Variants in DDHD2 observed in about 807,000 individuals in gnomAD.
The protein encoded by DDHD2 is DDHD domain containing 2, also known as triacylglycerol hydrolase DDHD2.
A neutral mutation model predicts 91.2 loss-of-function variants in DDHD2; 62 were observed. That is an observed-to-expected ratio of 0.68 (90% CI 0.55 to 0.84). The LOEUF is 0.84. Among genes scored for constraint, DDHD2 ranks in the 40% least tolerant of loss-of-function variants. The pLI, the probability that DDHD2 is intolerant of heterozygous loss-of-function variation, is 0.00. For missense variants in DDHD2, 740 were observed against 846.9 expected (o/e 0.87, Z 1.57); for synonymous variants, 271 against 293.9 (o/e 0.92, Z 0.80).
At chr8:38,268,494 CA>C (rs548817461) in intron 1 of DDHD2, 18 of 1,544,906 alleles carry the variant, frequency 1.2e-5, no homozygotes, top group East Asian at 2.4e-5. Flanking sequence ...AAAAACAATC[CA>C]AAAAAAAGCC....
chr8:38,254,456 C>T (rs1259497505), intron 16 of DDHD2, among the ~76,000 whole-genome samples: 1 of 151,980 alleles, frequency 6.6e-6, no homozygotes, highest in African/African-American at 2.4e-5. Flanking sequence ...TCATGGTTCA[C>T]TGCAGCCTTG....
At chr8:38,239,469 G>A (rs1563301113) in intron 5 of DDHD2, among the ~76,000 whole-genome samples, 2 of 151,148 alleles carry the variant, frequency 1.3e-5, no homozygotes, top group Admixed American at 6.6e-5. Context: ...TGAGGCGGGC[G>A]GGTCAGGAGG....
intron 12 of DDHD2, 23 bp from the exon 13 acceptor site, chr8:38,252,109 T>G (rs751089073): frequency 4.3e-6 from 7 of 1,612,582 alleles, no homozygotes; most frequent in Admixed American, 1.7e-5. Flanking sequence ...TAATGAGAGA[T>G]GCTTTTATTT....
At chr8:38,268,133 A>G (rs1807979595) in intron 1 of DDHD2, 15 of 1,413,630 alleles carry the variant, frequency 1.1e-5, no homozygotes, top group Non-Finnish European at 1.4e-5. Flanking sequence ...GAACTTTTGT[A>G]CTAGGCCAAA....
intron 10 of DDHD2, 34 bp downstream of exon 10, chr8:38,247,869 C>A: frequency 6.6e-7 from 1 of 1,511,154 alleles, no homozygotes; most frequent in South Asian, 1.3e-5. Context: ...TATGCCAAGC[C>A]ATTTTCAGTA....
chr8:38,237,665 A>G (rs1250336764), intron 4 of DDHD2, 38 bp downstream of exon 4: 2 of 1,188,656 alleles, frequency 1.7e-6, no homozygotes, highest in Non-Finnish European at 2.4e-6. Flanking sequence ...ATAAAAAGTT[A>G]ATTGCGCTAT....
chr8:38,248,203 G>A (rs1327504639), intron 10 of DDHD2, among the ~76,000 whole-genome samples: 4 of 151,992 alleles, frequency 2.6e-5, no homozygotes, highest in Admixed American at 2.6e-4. Context: ...CCGCCACCAC[G>A]CCTGGCTAAT....
chr8:38,232,351 T>C (rs975516865), intron 1 of DDHD2, among the ~76,000 whole-genome samples: 3 of 152,256 alleles, frequency 2.0e-5, no homozygotes, highest in African/African-American at 7.2e-5. Flanking sequence ...GGGAGGAGGC[T>C]TTTGAGGTCG....
intron 3 of DDHD2, among the ~76,000 whole-genome samples, chr8:38,237,032 G>C (rs1301042671): frequency 6.6e-6 from 1 of 152,114 alleles, no homozygotes; most frequent in Non-Finnish European, 1.5e-5. Context: ...GGAATTAGGA[G>C]TATTTTTCCC....
At chr8:38,259,304 T>C (rs531813896) in intron 16 of DDHD2, among the ~76,000 whole-genome samples, 4 of 151,772 alleles carry the variant, frequency 2.6e-5, no homozygotes, top group African/African-American at 9.7e-5. Context: ...CACTGCAACC[T>C]TTGCCTCCTC....
chr8:38,252,236 T>A lies in DDHD2; in HGVS notation c.1566T>A (p.Asp522Glu). ...FLTVRGLKRIDPNYRFPTCKG... is the reference protein window; with the variant it reads ...FLTVRGLKRIEPNYRFPTCKG... ...CTGTCCGAGGACTAAAAAGAATTGA[T>A]CCCAACTACAGATTTCCAACGTGCA... The change falls in exon 13 of 18, where the codon GAT (aspartate) becomes GAA (glutamate). Residue 522 changes from aspartate to glutamate, a missense_variant. By Grantham distance (45) the Asp-to-Glu change is conservative. This residue lies in a region of DDHD2 where 693 missense variants were observed against 764.2 expected (regional missense o/e 0.91). Coordinates refer to ENST00000397166, the MANE Select transcript of DDHD2 (RefSeq NM_015214.3). 6.2e-7 allele frequency: 1 copy of A among 1,614,142 alleles called. No homozygotes were observed. The highest frequency in any genetic ancestry group is 8.5e-7 in the Non-Finnish European group (1 of 1,180,022).
chr8:38,232,900 C>T (rs1585687146), intron 1 of DDHD2, 87 bp from the exon 2 acceptor site: 2 of 812,702 alleles, frequency 2.5e-6, no homozygotes, highest in Non-Finnish European at 1.9e-6. Flanking sequence ...AGAAATGGCT[C>T]CGTAAAATGA....
At chr8:38,255,062 G>T (rs550928841) in intron 16 of DDHD2, among the ~76,000 whole-genome samples, 7 of 152,014 alleles carry the variant, frequency 4.6e-5, no homozygotes, top group African/African-American at 2.4e-5. Flanking sequence ...AGGTGTGGTG[G>T]TGCATGCCTG....
chr8:38,247,156 A>C lies in DDHD2; in HGVS notation c.1126-557A>C, dbSNP rs568387759. The C allele has an allele frequency of 2.9e-4, 39 of 135,424 alleles. 1 individual carries two copies. The highest frequency in any genetic ancestry group is 2.8e-3 in the Admixed American group (35 of 12,686). 8.4% of individuals were successfully genotyped at this position (135,424 alleles called of 1,614,324 possible). ...TTCTTTTTTTTTTTTTTTTTGAGAC[A>C]GTCTCTTGCTCTGTCACCCAGGCTG... On this transcript the variant is annotated intron_variant, in intron 9 of 17. Coordinates refer to ENST00000397166, the MANE Select transcript of DDHD2 (RefSeq NM_015214.3).
At chr8:38,247,690 G>T in intron 9 of DDHD2, 23 bp from the exon 10 acceptor site, 1 of 1,430,002 alleles carries the variant, frequency 7.0e-7, no homozygotes, top group South Asian at 1.4e-5. Flanking sequence ...TCAAGAATAT[G>T]AGCTTTATAA....
intron 10 of DDHD2, 42 bp downstream of exon 10, chr8:38,247,877 G>A: frequency 6.7e-7 from 1 of 1,491,028 alleles, no homozygotes; most frequent in Non-Finnish European, 9.0e-7. Context: ...GCCATTTTCA[G>A]TATTTTTGTT....
At chr8:38,266,059 A>T, downstream of DDHD2, 1 of 1,288,406 alleles carries the variant, frequency 7.8e-7, no homozygotes, top group Non-Finnish European at 1.1e-6. Flanking sequence ...GCAGATATTT[A>T]GTAAGCATCT....
chr8:38,271,993 G>C (rs887462534), downstream of DDHD2: 1 of 152,196 alleles, frequency 6.6e-6, no homozygotes, highest in Non-Finnish European at 1.5e-5. Context: ...CAGTAGGTCT[G>C]GGTTTGACCT....
intron 1 of DDHD2, chr8:38,268,965 G>GGAAC: frequency 6.4e-7 from 1 of 1,567,952 alleles, no homozygotes; most frequent in Non-Finnish European, 8.6e-7. Context: ...ATGAGTCTCT[G>GGAAC]GAACGGGGGG....
Sources: allele counts gnomAD v4.1 joint callset (sites outside exome capture counted in the v4.1 genomes callset), GRCh38; gene constraint gnomAD v4.1.1; regional missense constraint gnomAD v4.1.1; transcripts MANE v1.5; gene names NCBI Gene and HGNC (gene_info 2026-07-23, HGNC 2026-07-21).